MIR2052HG: variants seen among roughly 807,000 people sequenced by gnomAD.
The protein encoded by MIR2052HG is MIR2052 host gene.
intron 2 of MIR2052HG, among the ~76,000 whole-genome samples, chr8:74,648,100 A>G (rs1436475827): frequency 6.6e-6 from 1 of 152,200 alleles, no homozygotes; most frequent in Non-Finnish European, 1.5e-5. Context: ...GTTTGGGCAG[A>G]ATAGAGCCAT....
At chr8:74,618,908 A>C (rs950005052) in intron 2 of MIR2052HG, among the ~76,000 whole-genome samples, 1 of 152,208 alleles carries the variant, frequency 6.6e-6, no homozygotes, top group Admixed American at 6.5e-5. Context: ...AAGACTTTAT[A>C]CAAAAACTGT....
chr8:74,623,857 A>G (rs147374838), intron 2 of MIR2052HG, among the ~76,000 whole-genome samples: 10 of 152,316 alleles, frequency 6.6e-5, no homozygotes, highest in Admixed American at 6.5e-4. Flanking sequence ...TTGAACATTG[A>G]TTAGGCCAGT....
Position 74,706,386 on chromosome 8 carries a change from T to A in MIR2052HG, n.371+2704T>A, listed in dbSNP as rs141870873. Among the ~76,000 whole-genome samples the A allele has an allele frequency of 3.3e-3, 498 of 152,198 alleles. 3 individuals carry two copies. Among genetic ancestry groups the A allele is most frequent in the African/African-American group, 0.011 (476 of 41,540 alleles). The stretch of plus-strand genomic sequence containing the variant: ...TAAGTCATCCCTCATAAATTTACAA[T>A]CTAAGTAATCTAAGTAAAATCAAGT... On this transcript the variant is annotated intron_variant and non_coding_transcript_variant, in intron 4 of 6. Transcript: ENST00000523442.
At chr8:74,657,317 G>T (rs1808817093) in intron 2 of MIR2052HG, among the ~76,000 whole-genome samples, 1 of 152,212 alleles carries the variant, frequency 6.6e-6, no homozygotes, top group Non-Finnish European at 1.5e-5. Context: ...TGTAAATGAA[G>T]TTTAGAGTTT....
chr8:74,670,907 A>C (rs1808984736), intron 2 of MIR2052HG, among the ~76,000 whole-genome samples: 2 of 151,570 alleles, frequency 1.3e-5, no homozygotes, highest in Non-Finnish European at 2.9e-5. Flanking sequence ...TCCAACTCCT[A>C]ACCTCCTCTT....
chr8:74,604,296 C>T (rs1052152528), intron 1 of MIR2052HG: 3 of 696,152 alleles, frequency 4.3e-6, no homozygotes, highest in Non-Finnish European at 8.0e-6. Context: ...TCTTTGGTCA[C>T]TGATGGGGGG....
At chr8:74,646,452 T>C (rs1350660586) in intron 2 of MIR2052HG, among the ~76,000 whole-genome samples, 1 of 152,168 alleles carries the variant, frequency 6.6e-6, no homozygotes, top group Non-Finnish European at 1.5e-5. Flanking sequence ...CTCAGCTTTA[T>C]GGTTTGGGAA....
At chr8:74,614,982 A>G (rs1808257358) in intron 2 of MIR2052HG, 1 of 152,174 alleles carries the variant, frequency 6.6e-6, no homozygotes, top group Non-Finnish European at 1.5e-5. Flanking sequence ...GGAAGAACCA[A>G]TTTTAATTTG....
intron 2 of MIR2052HG, chr8:74,615,018 C>T (rs1808257824): frequency 6.6e-6 from 1 of 152,154 alleles, no homozygotes; most frequent in Non-Finnish European, 1.5e-5. Context: ...AATTAACCAT[C>T]TTCCTAGTCT....
At chr8:74,603,948 G>A (rs1808066733) in intron 1 of MIR2052HG, 2 of 995,652 alleles carry the variant, frequency 2.0e-6, no homozygotes, top group Non-Finnish European at 3.3e-6. Context: ...CCAGCCTCAG[G>A]GTGACTGGGG....
At chr8:74,636,801 G>A (rs1460452683) in intron 2 of MIR2052HG, among the ~76,000 whole-genome samples, 1 of 152,022 alleles carries the variant, frequency 6.6e-6, no homozygotes, top group East Asian at 1.9e-4. Flanking sequence ...TACCTTTTAT[G>A]TGTTAACATG....
At chr8:74,727,964 T>G (rs546948077) in intron 4 of MIR2052HG, among the ~76,000 whole-genome samples, 8 of 152,354 alleles carry the variant, frequency 5.3e-5, no homozygotes, top group African/African-American at 1.9e-4. Flanking sequence ...GTCATGCCTA[T>G]GTAAAGTGCC....
rs1809222633 is a variant in MIR2052HG at position 74,689,982 on chromosome 8, C to T, written n.217-12397C>T. ...CATGTAAGAACCAGAGATAGAAAACCCTGAGTAAAGGTGCTGATAACTTAA... is the reference window on the plus strand; with the variant it reads ...CATGTAAGAACCAGAGATAGAAAACTCTGAGTAAAGGTGCTGATAACTTAA... On this transcript the variant is annotated intron_variant and non_coding_transcript_variant, in intron 2 of 6. Transcript: ENST00000523442. Among the ~76,000 whole-genome samples the T allele has an allele frequency of 2.6e-5, 4 of 151,924 alleles. No individual in the cohort carries two copies. In the South Asian group the frequency reaches 8.3e-4, roughly 32 times the overall value.
intron 2 of MIR2052HG, among the ~76,000 whole-genome samples, chr8:74,623,569 A>G (rs1008245060): frequency 6.6e-6 from 1 of 152,218 alleles, no homozygotes; most frequent in Non-Finnish European, 1.5e-5. Flanking sequence ...GTCATTATTA[A>G]AAAGGTCTTT....
intron 4 of MIR2052HG, among the ~76,000 whole-genome samples, chr8:74,704,643 C>G (rs1809391586): frequency 6.6e-6 from 1 of 152,036 alleles, no homozygotes; most frequent in Admixed American, 6.6e-5. Context: ...GATAACTGCA[C>G]TTAGAATTAC....
At chr8:74,649,028 C>A (rs1185010311) in intron 2 of MIR2052HG, among the ~76,000 whole-genome samples, 1 of 151,502 alleles carries the variant, frequency 6.6e-6, no homozygotes, top group African/African-American at 2.4e-5. Context: ...GGTCACTGAG[C>A]ACCCATATGA....
At chr8:74,733,444 G>A (rs1341859455) in intron 4 of MIR2052HG, among the ~76,000 whole-genome samples, 6 of 151,844 alleles carry the variant, frequency 4.0e-5, no homozygotes, top group African/African-American at 1.4e-4. Flanking sequence ...GTATTCCATG[G>A]TGTATATGTG....
chr8:74,652,262 A>G (rs1808761166), intron 2 of MIR2052HG, among the ~76,000 whole-genome samples: 1 of 152,176 alleles, frequency 6.6e-6, no homozygotes, highest in Admixed American at 6.5e-5. Flanking sequence ...GTTAGGTTTG[A>G]ATGTGGCCAT....
At chr8:74,623,859 T>G (rs1410602265) in intron 2 of MIR2052HG, among the ~76,000 whole-genome samples, 1 of 152,186 alleles carries the variant, frequency 6.6e-6, no homozygotes, top group Non-Finnish European at 1.5e-5. Context: ...GAACATTGAT[T>G]AGGCCAGTGA....
Sources: gnomAD v4.1 joint callset for allele counts (sites outside exome capture counted in the v4.1 genomes callset) on GRCh38, gnomAD v4.1.1 for gene constraint, MANE v1.5 for transcripts, NCBI Gene and HGNC (gene_info 2026-07-23, HGNC 2026-07-21) for gene names.